MSI2: variants seen among roughly 807,000 people sequenced by gnomAD.
MSI2 encodes musashi RNA binding protein 2.
A neutral mutation model predicts 45.6 loss-of-function variants in MSI2; 17 were observed. That is an observed-to-expected ratio of 0.37 (90% CI 0.26 to 0.56). MSI2 has a LOEUF of 0.56. Ranked by LOEUF, MSI2 falls within the 20% of genes least tolerant of loss-of-function variation. MSI2 has a pLI of 0.77. For synonymous variants in MSI2, 156 were observed against 158.2 expected (o/e 0.99, Z 0.11); for missense variants, 293 against 444.2 (o/e 0.66, Z 3.06).
In MSI2 at chr17:57,639,745, A is replaced by C. The variant is rs1598482356; in HGVS notation, c.728-12354A>C. Among the ~76,000 whole-genome samples, 4 of 126,744 alleles carry C rather than the reference A, an allele frequency of 3.2e-5. 2 individuals are homozygous for C. The allele number at this position is 126,744 out of a possible 152,430, so 83.1% of individuals were successfully genotyped here. The stretch of plus-strand genomic sequence containing the variant: ...GGGAAAGGTGTGAGGCCAGCCCCAC[A>C]GTTCCCTTAGTGGGGAACCTGCTTA... On this transcript the variant is annotated intron_variant, in intron 10 of 13. Transcript: ENST00000284073.
intron 5 of MSI2, chr17:57,278,918 AGG>A (rs1909144029): frequency 6.6e-6 from 1 of 152,244 alleles, no homozygotes; most frequent in South Asian, 2.1e-4. Flanking sequence ...AACTAGGGAC[AGG>A]TTCATGCCCT....
chr17:57,664,384 G>A (rs554437771), intron 11 of MSI2, among the ~76,000 whole-genome samples: 5 of 152,230 alleles, frequency 3.3e-5, no homozygotes, highest in East Asian at 3.9e-4. Flanking sequence ...CAGGTGTGGC[G>A]GTGTGTGCCT....
At chr17:57,459,452 G>GGT (rs1174038383) in intron 6 of MSI2, among the ~76,000 whole-genome samples, 2 of 152,200 alleles carry the variant, frequency 1.3e-5, no homozygotes, top group Admixed American at 1.3e-4. Flanking sequence ...ACATCAGAAT[G>GGT]GTAGGAGGCC....
chr17:57,259,759 A>C (rs932137022), intron 4 of MSI2, among the ~76,000 whole-genome samples: 2 of 152,066 alleles, frequency 1.3e-5, no homozygotes, highest in South Asian at 4.1e-4. Flanking sequence ...GTGAAATTAA[A>C]GAGGAAAATC....
At chr17:57,292,986 AC>A (rs1250139105) in intron 5 of MSI2, among the ~76,000 whole-genome samples, 1 of 152,050 alleles carries the variant, frequency 6.6e-6, no homozygotes, top group Non-Finnish European at 1.5e-5. Context: ...TCAGAAAAAG[AC>A]CCGTTTAAGT....
intron 6 of MSI2, among the ~76,000 whole-genome samples, chr17:57,402,495 C>G (rs554476880): frequency 6.1e-4 from 93 of 152,278 alleles, no homozygotes; most frequent in African/African-American, 2.2e-3. Flanking sequence ...CTTGTTTCCT[C>G]CCACGATGGG....
In MSI2 at chr17:57,292,073, G is replaced by A. The variant is rs553624195; in HGVS notation, c.312+29881G>A. Among the ~76,000 whole-genome samples the A allele has an allele frequency of 3.3e-5, 5 of 152,126 alleles. No individual in the cohort carries two copies. The South Asian group carries it at 6.3e-4, about 19-fold the overall frequency. ...AGGAGGGCTAGTGGGCGAGACCTGC[G>A]TGAAAATGCAGGATCGTAGAGGAGG... is the stretch of plus-strand genomic sequence containing the variant. On this transcript the variant is annotated intron_variant, in intron 5 of 13. Transcript: ENST00000284073.
intron 5 of MSI2, among the ~76,000 whole-genome samples, chr17:57,364,137 G>A (rs537689678): frequency 2.1e-4 from 32 of 152,248 alleles, no homozygotes; most frequent in African/African-American, 6.5e-4. Context: ...TTTGGTAACC[G>A]TCTGGGATTC....
At position 57,627,379 on chromosome 17, in the gene MSI2, A is replaced by G. The variant is rs1908908740; in HGVS notation, c.727+76A>G. On this transcript the variant is annotated intron_variant, in intron 10 of 13. Coordinates refer to ENST00000284073, the MANE Select transcript of MSI2 (RefSeq NM_138962.4). The surrounding 1 kb of genome is among the most constrained non-coding windows in gnomAD (Gnocchi z 4.6). ...TTTGCGGGGAGGTGAGAGGACCCCT[A>G]AAGAGAATGCATTTCTTACATGCAT... 3.2e-6 allele frequency: 4 copies of G among 1,256,316 alleles called. No homozygotes were observed. In the Admixed American group the frequency reaches 6.8e-5, roughly 21 times the overall value. The allele number at this position is 1,256,316 out of a possible 1,614,324, so 77.8% of individuals were successfully genotyped here.
chr17:57,564,971 T>C (rs2087692537), intron 7 of MSI2, among the ~76,000 whole-genome samples: 1 of 152,202 alleles, frequency 6.6e-6, no homozygotes, highest in South Asian at 2.1e-4. Flanking sequence ...CAGCCGTTTA[T>C]GGGGCACCTA....
At chr17:57,445,919 G>A (rs1181752916) in intron 6 of MSI2, among the ~76,000 whole-genome samples, 2 of 152,182 alleles carry the variant, frequency 1.3e-5, no homozygotes, top group African/African-American at 4.8e-5. Context: ...GAGTTTCGTT[G>A]ATTCACGAGA....
intron 5 of MSI2, among the ~76,000 whole-genome samples, chr17:57,391,044 A>G (rs1320561601): frequency 6.6e-6 from 1 of 152,142 alleles, no homozygotes; most frequent in Non-Finnish European, 1.5e-5. Context: ...GGTAGTTGCT[A>G]CCCAGATAAA....
intron 12 of MSI2, 106 bp downstream of exon 12, chr17:57,675,232 C>G: frequency 2.6e-6 from 3 of 1,134,740 alleles, no homozygotes; most frequent in Non-Finnish European, 3.8e-6. Context: ...GAGGAGAGGA[C>G]AGAGGGTCCC....
chr17:57,552,931 G>T lies in MSI2; in HGVS notation c.454+23207G>T, dbSNP rs1486929520. Among the ~76,000 whole-genome samples, 1 of 152,198 alleles carries T rather than the reference G, an allele frequency of 6.6e-6. No individual in the cohort carries two copies. The highest frequency in any genetic ancestry group is 1.5e-5 in the Non-Finnish European group (1 of 68,020). The stretch of plus-strand genomic sequence containing the variant: ...AGGGCTGATGTGGCGTGGGCTGGGA[G>T]ACTTCTCTTTTGAGAGGCTGATACT... On this transcript the variant is annotated intron_variant, in intron 7 of 13. Transcript: ENST00000284073. The surrounding 1 kb of genome is among the most constrained non-coding windows in gnomAD (Gnocchi z 4.3).
At chr17:57,485,603 C>T (rs566333204) in intron 6 of MSI2, among the ~76,000 whole-genome samples, 16 of 152,292 alleles carry the variant, frequency 1.1e-4, no homozygotes, top group Non-Finnish European at 1.9e-4. Context: ...GTGGGTTCAA[C>T]GGGCTCCCTT....
At position 57,680,676 on chromosome 17, in the gene MSI2, C is replaced by T. The variant is rs959676379; in HGVS notation, c.*1159C>T. On this transcript the variant is annotated 3_prime_UTR_variant, in exon 14 of 14. Coordinates refer to ENST00000284073, the MANE Select transcript of MSI2 (RefSeq NM_138962.4). ...TTTAAAATATGAAAAACTGCTTTTC[C>T]CAAGATGTTTTTTAAAAACAAAGCT... 5.7e-5 allele frequency: 10 copies of T among 175,136 alleles called. 1 individual carries two copies. The highest frequency in any genetic ancestry group is 2.0e-4 in the African/African-American group (8 of 39,946). 10.8% of individuals were successfully genotyped at this position (175,136 alleles called of 1,614,324 possible).
intron 7 of MSI2, among the ~76,000 whole-genome samples, chr17:57,583,390 T>G (rs2088255464): frequency 2.0e-5 from 3 of 152,188 alleles, no homozygotes; most frequent in Admixed American, 2.0e-4. Context: ...GCACTGGGAT[T>G]ATTCAGTCAT....
intron 6 of MSI2, 23 bp downstream of exon 6, chr17:57,401,494 T>C: frequency 6.3e-7 from 1 of 1,596,508 alleles, no homozygotes; most frequent in Non-Finnish European, 8.6e-7. Context: ...TGGGGTTGGA[T>C]GGCACATGCC....
chr17:57,653,481 C>T (rs568871848), intron 11 of MSI2, among the ~76,000 whole-genome samples: 2 of 152,136 alleles, frequency 1.3e-5, no homozygotes, highest in African/African-American at 2.4e-5. Context: ...GTCCCTCAGT[C>T]CCCCCAGCCC....
Sources: allele counts gnomAD v4.1 joint callset (sites outside exome capture counted in the v4.1 genomes callset), GRCh38; gene constraint gnomAD v4.1.1; non-coding constraint Gnocchi (gnomAD v3.1); transcripts MANE v1.5; gene names NCBI Gene and HGNC (gene_info 2026-07-23, HGNC 2026-07-21).